LETM1: variants seen among roughly 807,000 people sequenced by gnomAD.
The protein encoded by LETM1 is mitochondrial proton/calcium exchanger protein.
LETM1 carries 50 observed loss-of-function variants against 74.5 expected under a neutral mutation model. The ratio of observed to expected loss-of-function variants is 0.67; its 90% CI spans 0.53 to 0.85. LETM1 has a LOEUF of 0.85. LETM1 is among the 40% of genes least tolerant of loss of function. The probability of loss-of-function intolerance (pLI) is 0.00; values close to 1 mark genes in which losing one functional copy is unlikely to be tolerated. For synonymous variants in LETM1, 446 were observed against 407.1 expected (o/e 1.10, Z -1.15); for missense variants, 824 against 967.8 (o/e 0.85, Z 1.97).
At chr4:1,815,362 G>C (rs1577307405) in intron 13 of LETM1, among the ~76,000 whole-genome samples, 1 of 152,218 alleles carries the variant, frequency 6.6e-6, no homozygotes, top group African/African-American at 2.4e-5. Context: ...CCCCTGAGAG[G>C]TGTTTGCTGC....
rs1713234498 is a variant in LETM1 at position 1,856,095 on chromosome 4, T to C, written c.-145A>G. On this transcript the variant is annotated 5_prime_UTR_variant, in exon 1 of 14. Transcript: ENST00000302787. ...GGCTGGCCTCGGACGGGAGGCGCTC[T>C]CCTCAAGGACCCGGCACCAGCGGCG... 4.9e-6 allele frequency: 2 copies of C among 404,098 alleles called. No homozygotes were observed. The highest frequency in any genetic ancestry group is 8.1e-6 in the Non-Finnish European group (2 of 247,458). The allele number at this position is 404,098 out of a possible 1,614,324, so 25.0% of individuals were successfully genotyped here. A position where few individuals can be genotyped will look rare whatever the true frequency, so the allele number is the denominator to read the frequency against.
At position 1,834,286 on chromosome 4, in the gene LETM1, CCAA is replaced by C. The variant is rs1225543953; in HGVS notation, c.876+556_876+558del. On this transcript the variant is annotated intron_variant, in intron 5 of 13. Transcript: ENST00000302787. This position sits in a 1 kb window ranked among gnomAD's most constrained non-coding sequence, Gnocchi z 5.0. ...TCCAAAGTGGCACAAGTCCCTCAAG[CCAA>C]CAACACCGGCCTCGTGAACCCCATC... 4.6e-6 allele frequency: 3 copies of C among 650,932 alleles called. No homozygotes were observed. Among genetic ancestry groups the C allele is most frequent in the East Asian group, 1.4e-4 (1 of 7,272 alleles). 40.3% of individuals were successfully genotyped at this position (650,932 alleles called of 1,614,324 possible). A position where few individuals can be genotyped will look rare whatever the true frequency, so the allele number is the denominator to read the frequency against.
In LETM1 at chr4:1,855,870, C is replaced by T. The variant is rs528375844; in HGVS notation, c.81G>A (p.Arg27=). Residue 27 remains arginine, a splice_region_variant and synonymous_variant, in exon 1 of 14, where the codon CGG becomes CGA. Coordinates refer to ENST00000302787, the MANE Select transcript of LETM1 (RefSeq NM_012318.3). ...CGCCCTGGGGTGCCCGCCGCTTACC[C>T]CGCGGGACGGTGTACCGAGGCGGCG... ...LPPPPRYTVP[R]GSPGDPAHLS... 4.9e-4 allele frequency: 611 copies of T among 1,234,662 alleles called. 4 individuals are homozygous for T. In the African/African-American group the frequency reaches 8.9e-3, roughly 18 times the overall value. 76.5% of individuals were successfully genotyped at this position (1,234,662 alleles called of 1,614,324 possible).
Position 1,836,502 on chromosome 4 carries a change from T to G in LETM1, c.665A>C (p.Glu222Ala). 6.2e-7 allele frequency: 1 copy of G among 1,613,432 alleles called. No homozygotes were observed. The highest frequency in any genetic ancestry group is 8.5e-7 in the Non-Finnish European group (1 of 1,179,872). Residue 222 changes from glutamate to alanine, a missense_variant, in exon 4 of 14, where the codon GAG becomes GCG. Glu to Ala is a moderately radical substitution (Grantham distance 107). Coordinates refer to ENST00000302787, the MANE Select transcript of LETM1 (RefSeq NM_012318.3). This position sits in a 1 kb window ranked among gnomAD's most constrained non-coding sequence, Gnocchi z 5.8. ...CTTCACAGCAACAGGCAGCAGAAAC[T>G]CCATGAACGGCACCACCACGAACAC... is the stretch of plus-strand genomic sequence containing the variant. ...FLVFVVVPFMEFLLPVAVKLF... is the reference protein window; with the variant it reads ...FLVFVVVPFMAFLLPVAVKLF...
At chr4:1,832,171 G>T (rs1385970127) in intron 6 of LETM1, among the ~76,000 whole-genome samples, 2 of 152,046 alleles carry the variant, frequency 1.3e-5, no homozygotes, top group Non-Finnish European at 2.9e-5. Context: ...GTATGGTGGC[G>T]GGCGCCTGTA....
At chr4:1,842,277 G>A (rs1336538745) in intron 2 of LETM1, among the ~76,000 whole-genome samples, 1 of 150,830 alleles carries the variant, frequency 6.6e-6, no homozygotes, top group Non-Finnish European at 1.5e-5. Context: ...AATCAGTAAG[G>A]GTGCTCGCTG....
chr4:1,837,430 T>C (rs1051372973), intron 3 of LETM1, among the ~76,000 whole-genome samples: 1 of 152,226 alleles, frequency 6.6e-6, no homozygotes, highest in Non-Finnish European at 1.5e-5. Flanking sequence ...TTCATTTTTC[T>C]GTTTTTTTAT....
chr4:1,822,184 C>G lies in LETM1; in HGVS notation c.1605G>C (p.Leu535Phe). The G allele has an allele frequency of 7.0e-7, 1 of 1,425,946 alleles. No homozygotes were observed. Among genetic ancestry groups the G allele is most frequent in the Admixed American group, 2.4e-5 (1 of 41,356 alleles). The allele number at this position is 1,425,946 out of a possible 1,614,324, so 88.3% of individuals were successfully genotyped here. A position where few individuals can be genotyped will look rare whatever the true frequency, so the allele number is the denominator to read the frequency against. The change falls in exon 10 of 14, where the codon TTG becomes TTC. Residue 535 changes from leucine to phenylalanine, a missense_variant. Leu to Phe is a conservative substitution (Grantham distance 22). Around this residue, in one of 4 missense-constraint regions of LETM1, gnomAD observed 172 missense variants for 170.7 expected, o/e 1.01. Coordinates refer to ENST00000302787, the MANE Select transcript of LETM1 (RefSeq NM_012318.3). Reference protein sequence around the residue: ...LKDTAPVLEGLKEEEITKEEI... With the variant: ...LKDTAPVLEGFKEEEITKEEI... The stretch of plus-strand genomic sequence containing the variant: ...GCCCCAGAACCTGCCTCATTACCTT[C>G]AAGCCCTCCAGCACCGGGGCAGTGT...
rs556420675 is a variant in LETM1, at chr4:1,816,603, G to C, written c.1931+124C>G. On this transcript the variant is annotated intron_variant, in intron 12 of 13. Transcript: ENST00000302787. ...TGGGACTGCTGGTCAAAGGTGGAGA[G>C]GCAGCCAGGCAGAGGCTACAATGTG... 8 of 881,938 alleles carry C rather than the reference G, an allele frequency of 9.1e-6. No homozygotes were observed. In the East Asian group the frequency reaches 1.6e-4, roughly 17 times the overall value. 54.6% of individuals were successfully genotyped at this position (881,938 alleles called of 1,614,324 possible). A position where few individuals can be genotyped will look rare whatever the true frequency, so the allele number is the denominator to read the frequency against.
intron 5 of LETM1, 189 bp from the exon 6 acceptor site, chr4:1,833,136 A>ATCT: frequency 3.4e-6 from 2 of 586,730 alleles, no homozygotes; most frequent in Non-Finnish European, 6.1e-6. Context: ...CAGTGGTGTA[A>ATCT]TCTCGGTTCA....
chr4:1,840,612 G>A (rs1460794115), intron 3 of LETM1, among the ~76,000 whole-genome samples: 6 of 151,954 alleles, frequency 3.9e-5, no homozygotes, highest in South Asian at 2.1e-4. Flanking sequence ...AGCCTGCAGC[G>A]AGCCGAGATC....
chr4:1,831,201 G>C (rs1461153633), intron 6 of LETM1, among the ~76,000 whole-genome samples: 1 of 152,184 alleles, frequency 6.6e-6, no homozygotes, highest in Non-Finnish European at 1.5e-5. Flanking sequence ...TCTCTCAATG[G>C]CATTGACCTC....
At chr4:1,835,945 C>A (rs1199492761) in intron 4 of LETM1, among the ~76,000 whole-genome samples, 1 of 152,158 alleles carries the variant, frequency 6.6e-6, no homozygotes, top group African/African-American at 2.4e-5. Context: ...GATGTGGTGG[C>A]TTAGCCTGTA....
At chr4:1,833,117 G>T in intron 5 of LETM1, 170 bp from the exon 6 acceptor site, 3 of 617,508 alleles carry the variant, frequency 4.9e-6, no homozygotes, top group Non-Finnish European at 8.6e-6. Context: ...TGTTACCCAG[G>T]CTGGAATGCA....
rs112963620 is a variant in LETM1 at position 1,816,894 on chromosome 4, C to T, written c.1764G>A (p.Lys588=). 4.0e-4 allele frequency: 643 copies of T among 1,613,314 alleles called. 3 individuals carry two copies. The African/African-American group carries it at 8.0e-3, about 20-fold the overall frequency. Residue 588 remains lysine (K), a synonymous_variant, in exon 12 of 14, where the codon AAG becomes AAA. Transcript: ENST00000302787. ...DYSEDLQEIK[K]ELSKTGEEKY... is the part of the protein sequence containing the mutation. ...TTTCTTCACCAGTCTTTGAAAGTTC[C>T]TTCTTGATCTCCTGCAAGTCCTAAT...
intron 1 of LETM1, among the ~76,000 whole-genome samples, chr4:1,852,961 T>A (rs979921684): frequency 6.6e-6 from 1 of 152,212 alleles, no homozygotes; most frequent in Non-Finnish European, 1.5e-5. Flanking sequence ...TTTCTTCACC[T>A]GGCTTCACCC....
chr4:1,822,391 A>G lies in LETM1; in HGVS notation c.1477-79T>C, dbSNP rs113945658. The G allele has an allele frequency of 2.1e-5, 28 of 1,328,840 alleles. No homozygotes were observed. In the African/African-American group the frequency reaches 2.4e-4, roughly 11 times the overall value. 82.3% of individuals were successfully genotyped at this position (1,328,840 alleles called of 1,614,324 possible). ...TCTTGCTCCCCGAAGCTCAGAACATATGGCAGAGGCCACACTGGGAGCAGG... is the reference window on the plus strand; with the variant it reads ...TCTTGCTCCCCGAAGCTCAGAACATGTGGCAGAGGCCACACTGGGAGCAGG... On this transcript the variant is annotated intron_variant, in intron 9 of 13. Transcript: ENST00000302787.
intron 2 of LETM1, chr4:1,846,627 TTCC>T (rs1712891060): frequency 6.6e-6 from 1 of 152,146 alleles, no homozygotes; most frequent in African/African-American, 2.4e-5. Flanking sequence ...TCAACATCCA[TTCC>T]TAATAAAAAG....
rs1722516956 is a variant in LETM1, at chr4:1,813,117, A to G, written c.*1307T>C. On this transcript the variant is annotated 3_prime_UTR_variant, in exon 14 of 14. Coordinates refer to ENST00000302787, the MANE Select transcript of LETM1 (RefSeq NM_012318.3). ...GAAAGCTGAAAGCCTCTGGAAGCCA[A>G]CTGTCCCTGCACAAAGGTTTACAAT... 1 of 152,402 alleles carries G rather than the reference A, an allele frequency of 6.6e-6. No homozygotes were observed. Among genetic ancestry groups the G allele is most frequent in the Non-Finnish European group, 1.5e-5 (1 of 68,038 alleles). 9.4% of individuals were successfully genotyped at this position (152,402 alleles called of 1,614,324 possible). A position where few individuals can be genotyped will look rare whatever the true frequency, so the allele number is the denominator to read the frequency against.
Sources: gnomAD v4.1 joint callset for allele counts (sites outside exome capture counted in the v4.1 genomes callset) on GRCh38, gnomAD v4.1.1 for gene constraint, gnomAD v4.1.1 regional missense constraint, Gnocchi (gnomAD v3.1) non-coding constraint, MANE v1.5 for transcripts, NCBI Gene and HGNC (gene_info 2026-07-23, HGNC 2026-07-21) for gene names.